Variants in DOCK7 observed in about 807,000 individuals in gnomAD.
The protein encoded by DOCK7 is dedicator of cytokinesis 7, also known as dedicator of cytokinesis protein 7.
A neutral mutation model predicts 271.0 loss-of-function variants in DOCK7; 138 were observed. The observed-to-expected ratio is 0.51, with a 90% CI of 0.44 to 0.59. DOCK7 has a LOEUF of 0.59. Ranked by LOEUF, DOCK7 falls within the 20% of genes least tolerant of loss-of-function variation. The probability of loss-of-function intolerance (pLI) is 0.00; values close to 1 mark genes in which losing one functional copy is unlikely to be tolerated. For synonymous variants in DOCK7, 823 were observed against 876.1 expected, an observed-to-expected ratio of 0.94 and a Z score of 1.07; for missense variants, 2,066 against 2,592.4, an observed-to-expected ratio of 0.80 and a Z score of 4.41.
At chr1:62,485,522 C>T (rs1308387816) in intron 43 of DOCK7, 2 of 985,230 alleles carry the variant, frequency 2.0e-6, no homozygotes, top group Non-Finnish European at 2.4e-6. Flanking sequence ...CACAGATTAT[C>T]CTTACTGGAC....
chr1:62,685,280 G>A (rs1325119737), intron 1 of DOCK7, among the ~76,000 whole-genome samples: 2 of 152,178 alleles, frequency 1.3e-5, no homozygotes, highest in African/African-American at 4.8e-5. Context: ...TACTCAACGA[G>A]TGGCTGTGCT....
intron 28 of DOCK7, 56 bp from the exon 29 acceptor site, chr1:62,535,688 C>T (rs1645323561): frequency 1.3e-6 from 2 of 1,512,372 alleles, no homozygotes; most frequent in South Asian, 1.3e-5. Flanking sequence ...AAGCATCCTA[C>T]AGACAGAGCA....
At chr1:62,679,265 A>T (rs1660854895) in intron 1 of DOCK7, among the ~76,000 whole-genome samples, 1 of 152,200 alleles carries the variant, frequency 6.6e-6, no homozygotes, top group South Asian at 2.1e-4. Context: ...AATAACCATT[A>T]AAAAAGACTG....
intron 14 of DOCK7, among the ~76,000 whole-genome samples, chr1:62,614,653 A>G (rs956275184): frequency 6.6e-6 from 1 of 152,000 alleles, no homozygotes; most frequent in Non-Finnish European, 1.5e-5. Flanking sequence ...AGCATTTAAT[A>G]TGTACTGCAT....
rs1392976161 is a variant in DOCK7, at chr1:62,538,045, T to C, written c.3317A>G (p.Tyr1106Cys). Residue 1106 changes from tyrosine (Y) to cysteine (C), a missense_variant, in exon 28 of 50, where the codon TAC (tyrosine) becomes TGC (cysteine). Around this residue, in one of 2 missense-constraint regions of DOCK7, gnomAD observed 1,414 missense variants for 1,670.4 expected, o/e 0.85. Transcript: ENST00000635253. Reference sequence around the variant, plus strand: ...CAGAACACTGGGATTCGGTAATGAGTAAAGCTTTGAAGACACCTTGTAAGC... The same window carrying C: ...CAGAACACTGGGATTCGGTAATGAGCAAAGCTTTGAAGACACCTTGTAAGC... ...SCYKQVSSKL[Y>C]SLPNPSVLVS... 3 of 1,613,800 alleles carry C rather than the reference T, an allele frequency of 1.9e-6. No individual in the cohort carries two copies. Among genetic ancestry groups the C allele is most frequent in the Admixed American group, 1.7e-5 (1 of 60,012 alleles).
intron 1 of DOCK7, among the ~76,000 whole-genome samples, chr1:62,665,947 A>G (rs1383296301): frequency 6.6e-6 from 1 of 151,922 alleles, no homozygotes; most frequent in Non-Finnish European, 1.5e-5. Flanking sequence ...GCGGATCACA[A>G]GGTCATGAGA....
chr1:62,559,083 T>C lies in DOCK7; in HGVS notation c.2337A>G (p.Ser779=), dbSNP rs748425309. 19 of 1,613,850 alleles carry C rather than the reference T, an allele frequency of 1.2e-5. No individual in the cohort carries two copies. The highest frequency in any genetic ancestry group is 1.6e-5 in the Non-Finnish European group (19 of 1,179,950). The change falls in exon 20 of 50, where the codon TCA becomes TCG. Residue 779 remains serine (S), a synonymous_variant. Transcript: ENST00000635253. ...ELKSSISALN[S]SQLEPVVRFL... ...ATCGGACCACTGGTTCCAGCTGGGATGAATTCAGTGCTGAAATACTGCTCT... is the reference window on the plus strand; with the variant it reads ...ATCGGACCACTGGTTCCAGCTGGGACGAATTCAGTGCTGAAATACTGCTCT...
chr1:62,668,303 A>G (rs1659545916), intron 1 of DOCK7, among the ~76,000 whole-genome samples: 1 of 152,196 alleles, frequency 6.6e-6, no homozygotes, highest in African/African-American at 2.4e-5. Context: ...CAGTGGACTA[A>G]GTTTTAGTGT....
At chr1:62,653,526 G>A (rs898223005) in intron 4 of DOCK7, among the ~76,000 whole-genome samples, 199 bp downstream of exon 4, 1 of 152,072 alleles carries the variant, frequency 6.6e-6, no homozygotes, top group Non-Finnish European at 1.5e-5. Flanking sequence ...ATTTTCCCAT[G>A]AATTATATTT....
At chr1:62,503,670 G>A (rs1303796415) in intron 37 of DOCK7, among the ~76,000 whole-genome samples, 1 of 151,982 alleles carries the variant, frequency 6.6e-6, no homozygotes, top group Non-Finnish European at 1.5e-5. Context: ...CAAACTCCTG[G>A]CCTCAAGCAA....
intron 16 of DOCK7, among the ~76,000 whole-genome samples, chr1:62,579,780 A>C: frequency 6.6e-6 from 1 of 151,982 alleles, no homozygotes; most frequent in African/African-American, 2.4e-5. Context: ...AAATAAAAAA[A>C]GTTACCTAAA....
intron 2 of DOCK7, among the ~76,000 whole-genome samples, chr1:62,655,282 G>A (rs778134159): frequency 3.9e-5 from 6 of 152,026 alleles, no homozygotes; most frequent in African/African-American, 7.2e-5. Context: ...TGCAGTTATA[G>A]ACCAATGAAA....
At chr1:62,679,564 T>C (rs959376606) in intron 1 of DOCK7, among the ~76,000 whole-genome samples, 1 of 152,154 alleles carries the variant, frequency 6.6e-6, no homozygotes, top group Admixed American at 6.5e-5. Flanking sequence ...ACCTCATTAG[T>C]AATAAAATGA....
chr1:62,556,378 A>C (rs1646141353), intron 20 of DOCK7, among the ~76,000 whole-genome samples: 1 of 152,254 alleles, frequency 6.6e-6, no homozygotes, highest in South Asian at 2.1e-4. Context: ...TCTAAATAGC[A>C]TATAAGGGCA....
intron 18 of DOCK7, among the ~76,000 whole-genome samples, chr1:62,573,675 G>C (rs1432176376): frequency 2.0e-5 from 3 of 152,062 alleles, no homozygotes; most frequent in African/African-American, 7.2e-5. Flanking sequence ...TAAAAGGCTT[G>C]TTTTCAGGAC....
At chr1:62,544,267 C>A (rs556350774) in intron 23 of DOCK7, among the ~76,000 whole-genome samples, 2 of 152,158 alleles carry the variant, frequency 1.3e-5, no homozygotes, top group African/African-American at 4.8e-5. Flanking sequence ...TATTTAGGAA[C>A]AGGATTTCCC....
intron 1 of DOCK7, among the ~76,000 whole-genome samples, chr1:62,671,181 G>A (rs1659955845): frequency 6.6e-6 from 1 of 152,184 alleles, no homozygotes; most frequent in African/African-American, 2.4e-5. Context: ...CTTAAGAGCT[G>A]TAACACTCAC....
intron 48 of DOCK7, among the ~76,000 whole-genome samples, chr1:62,469,586 C>T (rs943086516): frequency 2.0e-5 from 3 of 152,152 alleles, no homozygotes; most frequent in Non-Finnish European, 2.9e-5. Context: ...AACTAAAGAG[C>T]TTTTGTATGG....
At chr1:62,558,114 T>C (rs1490224489) in intron 20 of DOCK7, among the ~76,000 whole-genome samples, 1 of 152,120 alleles carries the variant, frequency 6.6e-6, no homozygotes, top group East Asian at 1.9e-4. Context: ...CATCTCCCAC[T>C]CTCCATATTA....
Sources: allele counts gnomAD v4.1 joint callset (sites outside exome capture counted in the v4.1 genomes callset), GRCh38; gene constraint gnomAD v4.1.1; regional missense constraint gnomAD v4.1.1; transcripts MANE v1.5; gene names NCBI Gene and HGNC (gene_info 2026-07-23, HGNC 2026-07-21).